Variants in ELAPOR1 observed in about 807,000 individuals in gnomAD.
ELAPOR1 encodes endosome/lysosome-associated apoptosis and autophagy regulator 1.
A neutral mutation model predicts 119.7 loss-of-function variants in ELAPOR1; 77 were observed. The observed-to-expected ratio is 0.64, with a 90% CI of 0.54 to 0.78. The LOEUF is 0.78. Among genes scored for constraint, ELAPOR1 ranks in the 30% least tolerant of loss-of-function variants. The probability of loss-of-function intolerance (pLI) is 0.00; values close to 1 mark genes in which losing one functional copy is unlikely to be tolerated. For missense variants in ELAPOR1, 1,115 were observed against 1,270.4 expected, an observed-to-expected ratio of 0.88 and a Z score of 1.86; for synonymous variants, 481 against 487.2, an observed-to-expected ratio of 0.99 and a Z score of 0.17.
chr1:109,181,183 T>C (rs1652672266), intron 7 of ELAPOR1, among the ~76,000 whole-genome samples: 1 of 152,110 alleles, frequency 6.6e-6, no homozygotes, highest in Non-Finnish European at 1.5e-5. Flanking sequence ...GTCCATTCAG[T>C]ACTGAAACCC....
chr1:109,173,344 A>G (rs943042813), intron 5 of ELAPOR1, 130 bp from the exon 6 acceptor site: 3 of 734,510 alleles, frequency 4.1e-6, no homozygotes, highest in Non-Finnish European at 6.9e-6. Flanking sequence ...GCTGAGGAAG[A>G]GGAGGAAGAG....
intron 1 of ELAPOR1, among the ~76,000 whole-genome samples, chr1:109,124,967 C>T (rs999647748): frequency 3.3e-5 from 5 of 152,092 alleles, no homozygotes; most frequent in African/African-American, 9.7e-5. Flanking sequence ...CTTGCTCTGT[C>T]ACCCAGGCTG....
chr1:109,121,175 T>C (rs1648389962), intron 1 of ELAPOR1, among the ~76,000 whole-genome samples: 1 of 152,184 alleles, frequency 6.6e-6, no homozygotes, highest in Non-Finnish European at 1.5e-5. Flanking sequence ...AGATGGAGTT[T>C]CCTTCTTGTT....
intron 5 of ELAPOR1, among the ~76,000 whole-genome samples, chr1:109,173,097 CAAAAAAAAAAAA>C (rs58149393): frequency 2.2e-5 from 2 of 91,938 alleles, no homozygotes; most frequent in African/African-American, 7.6e-5. Flanking sequence ...AACTCTGTCT[CAAAAAAAAAAAA>C]AAAAAAAAAA....
At chr1:109,138,570 C>CCAG (rs71069652) in intron 1 of ELAPOR1, among the ~76,000 whole-genome samples, 60 of 151,194 alleles carry the variant, frequency 4.0e-4, no homozygotes, top group Middle Eastern at 3.4e-3. Flanking sequence ...TCCCTCCCCA[C>CCAG]CAGCAGCAGC....
At chr1:109,171,819 G>A (rs778656273) in intron 3 of ELAPOR1, 47 bp from the exon 4 acceptor site, 3 of 1,603,878 alleles carry the variant, frequency 1.9e-6, no homozygotes, top group Non-Finnish European at 2.6e-6. Context: ...CACAAAGCCT[G>A]GTGGGCTGTG....
At chr1:109,145,648 ACT>A (rs1459697169) in intron 1 of ELAPOR1, among the ~76,000 whole-genome samples, 3 of 151,896 alleles carry the variant, frequency 2.0e-5, no homozygotes, top group Admixed American at 1.3e-4. Context: ...AGAGCAAGAG[ACT>A]CTGTCTCAAA....
At chr1:109,156,881 T>G (rs1241128163) in intron 1 of ELAPOR1, among the ~76,000 whole-genome samples, 1 of 152,126 alleles carries the variant, frequency 6.6e-6, no homozygotes, top group African/African-American at 2.4e-5. Flanking sequence ...GTGGGCCACC[T>G]CACTTGACAA....
chr1:109,202,996 T>C lies in ELAPOR1; in HGVS notation c.3026T>C (p.Leu1009Pro), dbSNP rs1052878. The C allele has an allele frequency of 0.9, 1,451,558 of 1,612,616 alleles. 654,536 individuals carry two copies. Among genetic ancestry groups the C allele is most frequent in the East Asian group, 0.96 (43,072 of 44,814 alleles). Residue 1009 changes from leucine (L) to proline (P), a missense_variant, in exon 22 of 22, where the codon CTA (leucine) becomes CCA (proline). Physicochemically the swap from Leu to Pro is moderately conservative, Grantham distance 98. Coordinates refer to ENST00000369939, the MANE Select transcript of ELAPOR1 (RefSeq NM_020775.5). ...SVPLKTSSGG[L>P]DMDL Reference sequence around the variant, plus strand: ...CCGCTGAAGACATCCTCAGGAGGCCTAGACATGGACCTGTGAGAGGCACTG... The same window carrying C: ...CCGCTGAAGACATCCTCAGGAGGCCCAGACATGGACCTGTGAGAGGCACTG...
chr1:109,162,101 T>C, intron 2 of ELAPOR1, 87 bp downstream of exon 2: 1 of 1,432,972 alleles, frequency 7.0e-7, no homozygotes, highest in East Asian at 2.4e-5. Flanking sequence ...GGGCCCTTCC[T>C]GGCAGAGCAG....
chr1:109,142,492 G>A (rs1008774293), intron 1 of ELAPOR1, among the ~76,000 whole-genome samples: 4 of 152,236 alleles, frequency 2.6e-5, no homozygotes, highest in African/African-American at 7.2e-5. Flanking sequence ...GTCACTGAGC[G>A]TGGAGCTGGG....
At chr1:109,157,822 T>A (rs952270456) in intron 1 of ELAPOR1, among the ~76,000 whole-genome samples, 4 of 152,204 alleles carry the variant, frequency 2.6e-5, no homozygotes, top group Non-Finnish European at 5.9e-5. Context: ...TCTTCCACAG[T>A]GGATGGTAAT....
intron 1 of ELAPOR1, among the ~76,000 whole-genome samples, chr1:109,138,778 G>A (rs1421190586): frequency 7.3e-6 from 1 of 137,906 alleles, no homozygotes; most frequent in South Asian, 2.4e-4. Flanking sequence ...TGGTTGCGGT[G>A]AGCCGAGATC....
chr1:109,188,448 C>T, intron 9 of ELAPOR1, 94 bp downstream of exon 9: 2 of 1,391,798 alleles, frequency 1.4e-6, no homozygotes, highest in East Asian at 4.6e-5. Context: ...CAGACTCTGC[C>T]CTTCCAAGGG....
At chr1:109,165,004 A>G (rs1039783517) in intron 3 of ELAPOR1, among the ~76,000 whole-genome samples, 33 of 152,180 alleles carry the variant, frequency 2.2e-4, no homozygotes, top group Admixed American at 1.6e-3. Context: ...ACAAAACCCA[A>G]TTGGAGCTGG....
intron 15 of ELAPOR1, among the ~76,000 whole-genome samples, chr1:109,195,363 G>A (rs1016943822): frequency 1.1e-4 from 17 of 151,466 alleles, no homozygotes; most frequent in African/African-American, 3.9e-4. Context: ...GCGTGGTGGC[G>A]GGCACCTGTA....
chr1:109,117,760 A>T (rs926642779), intron 1 of ELAPOR1, among the ~76,000 whole-genome samples: 2 of 152,242 alleles, frequency 1.3e-5, no homozygotes, highest in Admixed American at 6.5e-5. Context: ...ATGACGTATA[A>T]ATGACGTCAT....
At chr1:109,122,672 A>AT (rs1648521383) in intron 1 of ELAPOR1, among the ~76,000 whole-genome samples, 1 of 151,514 alleles carries the variant, frequency 6.6e-6, no homozygotes. Context: ...AAAAAAAAAA[A>AT]GAGACTGGGT....
At chr1:109,138,711 C>T (rs1649638902) in intron 1 of ELAPOR1, among the ~76,000 whole-genome samples, 1 of 151,548 alleles carries the variant, frequency 6.6e-6, no homozygotes, top group Non-Finnish European at 1.5e-5. Context: ...TGAAATGCTG[C>T]TTCAGCCTTC....
Sources: allele counts gnomAD v4.1 joint callset (sites outside exome capture counted in the v4.1 genomes callset), GRCh38; gene constraint gnomAD v4.1.1; transcripts MANE v1.5; gene names NCBI Gene and HGNC (gene_info 2026-07-23, HGNC 2026-07-21).